The following ATP2B2 variants were observed in gnomAD, a reference collection of about 807,000 sequenced individuals.
The protein encoded by ATP2B2 is ATPase plasma membrane Ca2+ transporting 2.
Under a neutral mutation model 120.0 loss-of-function variants are expected in ATP2B2, and 15 were observed. That is an observed-to-expected ratio of 0.12 (90% CI 0.08 to 0.19). The LOEUF is 0.19. Among genes scored for constraint, ATP2B2 ranks in the 10% least tolerant of loss-of-function variants. ATP2B2 has a pLI of 1.00. For synonymous variants in ATP2B2, 694 were observed against 700.3 expected, an observed-to-expected ratio of 0.99 and a Z score of 0.14; for missense variants, 1,045 against 1,719.8, an observed-to-expected ratio of 0.61 and a Z score of 6.94.
At chr3:10,341,344 G>A (rs1361642309) in intron 19 of ATP2B2, among the ~76,000 whole-genome samples, 2 of 152,072 alleles carry the variant, frequency 1.3e-5, no homozygotes, top group African/African-American at 4.8e-5. Context: ...ATGGAGTCTC[G>A]TTGTTGCCCA....
intron 5 of ATP2B2, among the ~76,000 whole-genome samples, chr3:10,389,268 G>A (rs2061775121): frequency 6.6e-6 from 1 of 152,216 alleles, no homozygotes; most frequent in African/African-American, 2.4e-5. Flanking sequence ...ATTGTTTCAT[G>A]AGAGAGCCTT....
intron 11 of ATP2B2, among the ~76,000 whole-genome samples, chr3:10,372,578 G>A (rs906959912): frequency 1.3e-5 from 2 of 152,098 alleles, no homozygotes; most frequent in African/African-American, 4.8e-5. Context: ...CTAAGTGATA[G>A]AATTACAGAT....
rs77309849 is a variant in ATP2B2, at chr3:10,610,733, A to G, written c.-415+9184T>C. On this transcript the variant is annotated intron_variant, in intron 2 of 21. Coordinates refer to the ATP2B2 transcript ENST00000646379. ...TCTTTTCCTTTTCCCCTCCCTTCATATCTCTCTCCTCTGCTTTCATGCTAT... is the reference window on the plus strand; with the variant it reads ...TCTTTTCCTTTTCCCCTCCCTTCATGTCTCTCTCCTCTGCTTTCATGCTAT... Among the ~76,000 whole-genome samples the G allele has an allele frequency of 2.6e-5, 4 of 151,742 alleles. No individual in the cohort carries two copies. In the South Asian group the frequency reaches 6.3e-4, roughly 24 times the overall value.
intron 2 of ATP2B2, among the ~76,000 whole-genome samples, chr3:10,562,574 G>A (rs1370432317): frequency 6.6e-6 from 1 of 152,004 alleles, no homozygotes; most frequent in African/African-American, 2.4e-5. Flanking sequence ...CACCTCCAGC[G>A]CCTTTCAATC....
intron 1 of ATP2B2, among the ~76,000 whole-genome samples, chr3:10,663,208 T>C (rs898497372): frequency 6.7e-6 from 1 of 149,934 alleles, no homozygotes; most frequent in African/African-American, 2.5e-5. Context: ...AACCTGTACA[T>C]TGTGCACCCT....
At chr3:10,417,346 A>T (rs952096951) in intron 2 of ATP2B2, among the ~76,000 whole-genome samples, 3 of 151,268 alleles carry the variant, frequency 2.0e-5, no homozygotes, top group Non-Finnish European at 4.4e-5. Context: ...CATATCCCAG[A>T]TGGTGCAGCA....
chr3:10,352,308 T>C (rs1481352955), intron 14 of ATP2B2, among the ~76,000 whole-genome samples: 1 of 152,220 alleles, frequency 6.6e-6, no homozygotes, highest in African/African-American at 2.4e-5. Context: ...TTCCTTACCC[T>C]GGCCACCAGT....
At chr3:10,568,972 C>A (rs1408275090) in intron 2 of ATP2B2, among the ~76,000 whole-genome samples, 2 of 152,148 alleles carry the variant, frequency 1.3e-5, no homozygotes, top group African/African-American at 4.8e-5. Flanking sequence ...AACAACTTGC[C>A]GAATATAACT....
At chr3:10,421,698 G>A (rs2062986249) in intron 2 of ATP2B2, among the ~76,000 whole-genome samples, 1 of 152,124 alleles carries the variant, frequency 6.6e-6, no homozygotes, top group Admixed American at 6.5e-5. Context: ...TGGCCTCTCT[G>A]TGAGGTTGTC....
intron 1 of ATP2B2, among the ~76,000 whole-genome samples, chr3:10,646,077 C>T (rs1318908460): frequency 6.6e-6 from 1 of 152,212 alleles, no homozygotes; most frequent in Non-Finnish European, 1.5e-5. Flanking sequence ...CGCCCAGAAA[C>T]TTCATCCAAA....
chr3:10,329,326 T>A lies in ATP2B2; in HGVS notation c.3421-201A>T, dbSNP rs2059920359. Among the ~76,000 whole-genome samples, 1 of 152,022 alleles carries A rather than the reference T, an allele frequency of 6.6e-6. No individual in the cohort carries two copies. Among genetic ancestry groups the A allele is most frequent in the African/African-American group, 2.4e-5 (1 of 41,380 alleles). On this transcript the variant is annotated intron_variant, in intron 22 of 22. Transcript: ENST00000360273. This position sits in a 1 kb window ranked among gnomAD's most constrained non-coding sequence, Gnocchi z 5.9. Reference sequence around the variant, plus strand: ...TTATAGGCATCCTTGAGCTGGTTTTTAAAAATCTCTTTGGTTTTGGTAGAA... The same window carrying A: ...TTATAGGCATCCTTGAGCTGGTTTTAAAAAATCTCTTTGGTTTTGGTAGAA...
chr3:10,347,782 G>A lies in ATP2B2; in HGVS notation c.2405-1645C>T, dbSNP rs2060470916. ...GCTCAAGCTGTGCGGAAAGCTGGGA[G>A]GAAACCTCTCCCTAGACGCCTCCCT... On this transcript the variant is annotated intron_variant, in intron 16 of 22. Transcript: ENST00000360273. The surrounding 1 kb of genome is among the most constrained non-coding windows in gnomAD (Gnocchi z 5.2). Among the ~76,000 whole-genome samples the A allele has an allele frequency of 6.6e-6, 1 of 152,332 alleles. No individual in the cohort carries two copies.
chr3:10,362,339 G>A (rs1008319306), intron 12 of ATP2B2, among the ~76,000 whole-genome samples: 6 of 152,196 alleles, frequency 3.9e-5, no homozygotes, highest in Non-Finnish European at 5.9e-5. Flanking sequence ...ATGTATCCCT[G>A]GCCTATTCTT....
intron 1 of ATP2B2, among the ~76,000 whole-genome samples, chr3:10,490,619 G>A (rs1426041345): frequency 6.6e-6 from 1 of 151,978 alleles, no homozygotes; most frequent in Non-Finnish European, 1.5e-5. Flanking sequence ...GGCTGGTCTC[G>A]AGCTCCTGGC....
chr3:10,556,503 C>A (rs1331028859), intron 2 of ATP2B2, among the ~76,000 whole-genome samples: 1 of 152,200 alleles, frequency 6.6e-6, no homozygotes, highest in African/African-American at 2.4e-5. Context: ...GGAAGGGCTT[C>A]TGTCTTATAG....
chr3:10,622,550 G>A (rs1021801233), intron 1 of ATP2B2, among the ~76,000 whole-genome samples: 1 of 152,114 alleles, frequency 6.6e-6, no homozygotes, highest in Non-Finnish European at 1.5e-5. Flanking sequence ...ACTGAGCTTG[G>A]GACCCCAGAA....
intron 1 of ATP2B2, among the ~76,000 whole-genome samples, chr3:10,645,991 G>A (rs1356770087): frequency 1.3e-5 from 2 of 152,158 alleles, no homozygotes; most frequent in African/African-American, 4.8e-5. Flanking sequence ...CCGTTGCAAA[G>A]ACATTGACAC....
intron 1 of ATP2B2, among the ~76,000 whole-genome samples, chr3:10,666,484 C>A (rs1042229878): frequency 3.9e-5 from 6 of 152,198 alleles, no homozygotes; most frequent in Non-Finnish European, 8.8e-5. Flanking sequence ...CTCTCCACAC[C>A]CCACCAATGC....
At chr3:10,380,203 G>A (rs2061494892) in intron 8 of ATP2B2, among the ~76,000 whole-genome samples, 1 of 152,234 alleles carries the variant, frequency 6.6e-6, no homozygotes, top group Non-Finnish European at 1.5e-5. Context: ...CTCCAGCCTT[G>A]GCCAGGAGCT....
Sources: allele counts gnomAD v4.1 joint callset (sites outside exome capture counted in the v4.1 genomes callset), GRCh38; gene constraint gnomAD v4.1.1; non-coding constraint Gnocchi (gnomAD v3.1); transcripts MANE v1.5; gene names NCBI Gene and HGNC (gene_info 2026-07-23, HGNC 2026-07-21).